ABCG2: variants seen among roughly 807,000 people sequenced by gnomAD.
ABCG2 encodes broad substrate specificity ATP-binding cassette transporter ABCG2.
In ABCG2, 80 loss-of-function variants were observed where a neutral mutation model predicts 73.5. That is an observed-to-expected ratio of 1.09 (90% CI 0.91 to 1.31). ABCG2 has a LOEUF of 1.31. ABCG2 is among the 50% of genes most tolerant of loss of function. The pLI is 0.00. For synonymous variants in ABCG2, 269 were observed against 282.4 expected, an observed-to-expected ratio of 0.95 and a Z score of 0.48; for missense variants, 796 against 786.2, an observed-to-expected ratio of 1.01 and a Z score of -0.15.
In ABCG2 at chr4:88,115,344, G is replaced by T. The variant is rs193272402; in HGVS notation, c.842-286C>A. 1.9e-3 allele frequency among the ~76,000 whole-genome samples: 275 copies of T among 146,016 alleles called. 4 individuals are homozygous for T. The highest frequency in any genetic ancestry group is 0.014 in the Middle Eastern group (4 of 284). The stretch of plus-strand genomic sequence containing the variant: ...TGTCACCCAGGCTGGAATGTGGTGG[G>T]GCAATCTTGGTTCACTGAAACCTCT... On this transcript the variant is annotated intron_variant, in intron 7 of 15. Transcript: ENST00000237612.
At chr4:88,133,960 T>G (rs565432251) in intron 2 of ABCG2, among the ~76,000 whole-genome samples, 2 of 151,500 alleles carry the variant, frequency 1.3e-5, no homozygotes, top group East Asian at 3.9e-4. Flanking sequence ...ATCACGTCAT[T>G]GTACTCCAGC....
At chr4:88,197,934 G>A (rs185894924) in intron 1 of ABCG2, among the ~76,000 whole-genome samples, 1 of 150,874 alleles carries the variant, frequency 6.6e-6, no homozygotes, top group Admixed American at 6.6e-5. Flanking sequence ...GCAGGATGAG[G>A]CATGATAATT....
At chr4:88,153,425 TGAG>T (rs1726681737) in intron 1 of ABCG2, among the ~76,000 whole-genome samples, 1 of 151,842 alleles carries the variant, frequency 6.6e-6, no homozygotes, top group African/African-American at 2.4e-5. Flanking sequence ...GCCCGAATTC[TGAG>T]AAGGGCAAGT....
rs538750835 is a variant in ABCG2, at chr4:88,133,468, G to C, written c.204-833C>G. 4.6e-5 allele frequency among the ~76,000 whole-genome samples: 7 copies of C among 152,278 alleles called. No homozygotes were observed. The East Asian group carries it at 1.3e-3, about 29-fold the overall frequency. On this transcript the variant is annotated intron_variant, in intron 2 of 15. Coordinates refer to ENST00000237612, the MANE Select transcript of ABCG2 (RefSeq NM_004827.3). ...AGATAAATACACTGGAAAATTCCAA[G>C]TTTAGAAGGAGAAGACATCACTTTG... is the stretch of plus-strand genomic sequence containing the variant.
upstream of ABCG2, among the ~76,000 whole-genome samples, chr4:88,162,542 A>T (rs1197660624): frequency 6.6e-6 from 1 of 152,218 alleles, no homozygotes; most frequent in Non-Finnish European, 1.5e-5. Context: ...TCAAATAAAA[A>T]TTCAAAATAA....
intron 2 of ABCG2, among the ~76,000 whole-genome samples, chr4:88,138,255 T>G (rs895744328): frequency 6.6e-6 from 1 of 152,166 alleles, no homozygotes. Context: ...CACATATCTA[T>G]GGGAATGAAT....
intron 1 of ABCG2, among the ~76,000 whole-genome samples, chr4:88,211,940 C>T (rs926497436): frequency 6.6e-6 from 1 of 152,130 alleles, no homozygotes; most frequent in African/African-American, 2.4e-5. Context: ...AAAAGCATTT[C>T]GAGTGATTTA....
At chr4:88,173,643 G>C (rs1727846032) in intron 1 of ABCG2, among the ~76,000 whole-genome samples, 1 of 151,946 alleles carries the variant, frequency 6.6e-6, no homozygotes, top group Non-Finnish European at 1.5e-5. Flanking sequence ...TTTTATTTTA[G>C]TGGAAGTGCC....
At chr4:88,100,489 C>T (rs865878580) in intron 11 of ABCG2, among the ~76,000 whole-genome samples, 5 of 146,950 alleles carry the variant, frequency 3.4e-5, no homozygotes, top group East Asian at 2.0e-4. Context: ...GGAGACAGAG[C>T]GAGCGAGACT....
In ABCG2 at chr4:88,129,607, G is replaced by T. The variant is rs77963466; in HGVS notation, c.531+1454C>A. On this transcript the variant is annotated intron_variant, in intron 5 of 15. Coordinates refer to ENST00000237612, the MANE Select transcript of ABCG2 (RefSeq NM_004827.3). ...AAGCGGAAATAAGTAGTGAATGGTG[G>T]CATCTCAGAGTTACTCTTCCAAACA... is the stretch of plus-strand genomic sequence containing the variant. 4.0e-3 allele frequency among the ~76,000 whole-genome samples: 612 copies of T among 152,214 alleles called. 1 individual carries two copies. The highest frequency in any genetic ancestry group is 5.0e-3 in the Non-Finnish European group (341 of 68,020).
Position 88,209,878 on chromosome 4 carries a change from C to T in ABCG2, c.-20+21116G>A, listed in dbSNP as rs540459306. ...TGTGCTTTTCCTTTGCCAAAGATAACCTAAAGATAAAACTAATAAACAGAA... is the reference window on the plus strand; with the variant it reads ...TGTGCTTTTCCTTTGCCAAAGATAATCTAAAGATAAAACTAATAAACAGAA... On this transcript the variant is annotated intron_variant, in intron 1 of 15. Coordinates refer to the ABCG2 transcript ENST00000515655. Among the ~76,000 whole-genome samples, 451 of 152,092 alleles carry T rather than the reference C, an allele frequency of 3.0e-3. 2 individuals are homozygous for T. Among genetic ancestry groups the T allele is most frequent in the Non-Finnish European group, 4.6e-3 (310 of 67,998 alleles).
At chr4:88,203,035 T>C (rs1451006045) in intron 1 of ABCG2, among the ~76,000 whole-genome samples, 3 of 152,164 alleles carry the variant, frequency 2.0e-5, no homozygotes. Context: ...ATTAATTAAT[T>C]AAAAATGTTT....
At chr4:88,096,213 G>A (rs1047810152) in intron 13 of ABCG2, among the ~76,000 whole-genome samples, 1 of 152,196 alleles carries the variant, frequency 6.6e-6, no homozygotes, top group African/African-American at 2.4e-5. Flanking sequence ...ATTTAAAGCT[G>A]CCAAAAAGCA....
At chr4:88,203,662 G>T (rs965640495) in intron 1 of ABCG2, among the ~76,000 whole-genome samples, 4 of 151,460 alleles carry the variant, frequency 2.6e-5, no homozygotes, top group Non-Finnish European at 5.9e-5. Flanking sequence ...GCTGAGGCAG[G>T]AGAATCGCTT....
chr4:88,092,360 CA>C lies in ABCG2; in HGVS notation c.1841del (p.Leu614TrpfsTer2). 2 of 1,610,840 alleles carry C rather than the reference CA, an allele frequency of 1.2e-6. No homozygotes were observed. Among genetic ancestry groups the C allele is most frequent in the Non-Finnish European group, 1.7e-6 (2 of 1,179,284 alleles). On this transcript the variant is annotated frameshift_variant, in exon 16 of 16. Transcript: ENST00000237612. LOFTEE classifies it high-confidence loss of function. The stretch of plus-strand genomic sequence containing the variant: ...GTGAGAGATCGATGCCCTGCTTTAC[CA>C]AATATTCTTCGCCAGTACATCTGAA... ...NYATCTGEEYLVKQGIDLSPW... is the reference protein window; with the variant it reads ...NYATCTGEEYXVKQGIDLSPW...
At chr4:88,143,014 T>G (rs1725745907) in intron 1 of ABCG2, among the ~76,000 whole-genome samples, 1 of 152,166 alleles carries the variant, frequency 6.6e-6, no homozygotes, top group Admixed American at 6.6e-5. Flanking sequence ...TATACAGAAT[T>G]TTTTCATCAT....
In ABCG2 at chr4:88,229,878, C is replaced by G. The variant is rs1730382804; in HGVS notation, c.-20+1116G>C. Reference sequence around the variant, plus strand: ...CAGGAGGATAAAATACATTCTATTCCCTATGCAAACTGATTTTCAACAATG... The same window carrying G: ...CAGGAGGATAAAATACATTCTATTCGCTATGCAAACTGATTTTCAACAATG... On this transcript the variant is annotated intron_variant, in intron 1 of 15. Transcript: ENST00000515655. Among the ~76,000 whole-genome samples, 3 of 151,920 alleles carry G rather than the reference C, an allele frequency of 2.0e-5. No homozygotes were observed. The South Asian group carries it at 6.2e-4, about 32-fold the overall frequency.
At chr4:88,223,230 T>G (rs1730076973) in intron 1 of ABCG2, among the ~76,000 whole-genome samples, 1 of 152,184 alleles carries the variant, frequency 6.6e-6, no homozygotes, top group Admixed American at 6.5e-5. Flanking sequence ...TTTGGGGGAC[T>G]GTTGGAAGGG....
chr4:88,148,979 C>A (rs1001609867), intron 1 of ABCG2, among the ~76,000 whole-genome samples: 2 of 152,160 alleles, frequency 1.3e-5, no homozygotes, highest in Admixed American at 6.5e-5. Flanking sequence ...GAACATAAGA[C>A]CCTACAAGGC....
Sources: allele counts gnomAD v4.1 joint callset (sites outside exome capture counted in the v4.1 genomes callset), GRCh38; gene constraint gnomAD v4.1.1; transcripts MANE v1.5; gene names NCBI Gene and HGNC (gene_info 2026-07-23, HGNC 2026-07-21).